SDK2: variants seen among roughly 807,000 people sequenced by gnomAD.
SDK2 encodes sidekick cell adhesion molecule 2.
Under a neutral mutation model 253.9 loss-of-function variants are expected in SDK2, and 105 were observed. The observed-to-expected ratio is 0.41, with a 90% CI of 0.35 to 0.49. The LOEUF (loss-of-function observed/expected upper bound fraction) is 0.49. Ranked by LOEUF, SDK2 falls within the 20% of genes least tolerant of loss-of-function variation. SDK2 has a pLI of 0.06. For synonymous variants in SDK2, 1,249 were observed against 1,234.9 expected (o/e 1.01, Z -0.24); for missense variants, 2,608 against 3,003.0 (o/e 0.87, Z 3.07).
rs372898978 is a variant in SDK2, at chr17:73,555,960, A to G, written c.65-48363T>C. Reference sequence around the variant, plus strand: ...GCCAGAAGCAGTGGATGGTCCCTGCAGGGAGACAGGCAGTGGATGCACAGA... The same window carrying G: ...GCCAGAAGCAGTGGATGGTCCCTGCGGGGAGACAGGCAGTGGATGCACAGA... On this transcript the variant is annotated intron_variant, in intron 1 of 44. Coordinates refer to ENST00000392650, the MANE Select transcript of SDK2 (RefSeq NM_001144952.2). Among the ~76,000 whole-genome samples the G allele has an allele frequency of 7.9e-5, 12 of 152,152 alleles. No individual in the cohort carries two copies. The East Asian group carries it at 2.1e-3, about 27-fold the overall frequency.
At position 73,431,773 on chromosome 17, in the gene SDK2, T is replaced by C; in HGVS notation, c.1313-104A>G. On this transcript the variant is annotated intron_variant, in intron 10 of 44. Coordinates refer to ENST00000392650, the MANE Select transcript of SDK2 (RefSeq NM_001144952.2). This position sits in a 1 kb window ranked among gnomAD's most constrained non-coding sequence, Gnocchi z 5.6. ...CATGGTCCCCCCACAGGCCCCTGGC[T>C]CTGGAAATGCTGGAAGGAATGAGGA... The C allele has an allele frequency of 8.2e-7, 1 of 1,224,272 alleles. No homozygotes were observed. Among genetic ancestry groups the C allele is most frequent in the African/African-American group, 1.5e-5 (1 of 65,122 alleles). The allele number at this position is 1,224,272 out of a possible 1,614,324, so 75.8% of individuals were successfully genotyped here.
chr17:73,430,805 G>A (rs1197354195), intron 11 of SDK2, among the ~76,000 whole-genome samples, 192 bp from the exon 12 acceptor site: 1 of 152,222 alleles, frequency 6.6e-6, no homozygotes, highest in African/African-American at 2.4e-5. Flanking sequence ...GTATGGGATG[G>A]AGAGACCAAA....
chr17:73,571,200 C>T (rs993072826), intron 1 of SDK2, among the ~76,000 whole-genome samples: 13 of 152,208 alleles, frequency 8.5e-5, no homozygotes, highest in Middle Eastern at 6.8e-3. Context: ...TCCCGAGTAA[C>T]TGGGATTACA....
chr17:73,633,809 T>C (rs921513496), intron 1 of SDK2, among the ~76,000 whole-genome samples: 13 of 149,520 alleles, frequency 8.7e-5, no homozygotes, highest in African/African-American at 3.2e-4. Context: ...GGAGGAGGAG[T>C]CCCAGCTGGA....
intron 1 of SDK2, among the ~76,000 whole-genome samples, chr17:73,523,579 C>T (rs998268054): frequency 2.6e-5 from 4 of 152,008 alleles, no homozygotes; most frequent in African/African-American, 7.3e-5. Context: ...GCCAGAATCG[C>T]TAGCAGCCCC....
Position 73,361,732 on chromosome 17 carries a change from T to C in SDK2, c.5419A>G (p.Thr1807Ala), listed in dbSNP as rs1165759274. Residue 1807 changes from threonine to alanine, a missense_variant, in exon 39 of 45, where the codon ACC (threonine) becomes GCC (alanine). Around this residue, in one of 2 missense-constraint regions of SDK2, gnomAD observed 1,103 missense variants for 1,143.9 expected, o/e 0.96. Transcript: ENST00000392650. This position sits in a 1 kb window ranked among gnomAD's most constrained non-coding sequence, Gnocchi z 4.1. The part of the protein sequence containing the change: ...YRFRIRAKTF[T>A]YGPEIEANVT... ...TTGGCTTCGATCTCCGGCCCGTAGG[T>C]GAAGGTCTTGGCTCTGATGCGGAAC... 5.6e-6 allele frequency: 9 copies of C among 1,612,640 alleles called. No individual in the cohort carries two copies. The highest frequency in any genetic ancestry group is 1.3e-5 in the African/African-American group (1 of 74,936).
chr17:73,379,555 G>C lies in SDK2; in HGVS notation c.4763-6C>G, dbSNP rs764608200. 1.9e-6 allele frequency: 3 copies of C among 1,560,464 alleles called. No homozygotes were observed. Among genetic ancestry groups the C allele is most frequent in the Middle Eastern group, 1.7e-4 (1 of 5,896 alleles). On this transcript the variant is annotated splice_region_variant and splice_polypyrimidine_tract_variant and intron_variant, in intron 34 of 44. Coordinates refer to ENST00000392650, the MANE Select transcript of SDK2 (RefSeq NM_001144952.2). The surrounding 1 kb of genome is among the most constrained non-coding windows in gnomAD (Gnocchi z 4.5). ...CCGCCTGTGCTTGTTCAGGTCTGTGGGGGAGAGTGGGGGAGGGGAAGCACA... is the reference window on the plus strand; with the variant it reads ...CCGCCTGTGCTTGTTCAGGTCTGTGCGGGAGAGTGGGGGAGGGGAAGCACA...
At position 73,619,549 on chromosome 17, in the gene SDK2, G is replaced by A. The variant is rs540776458; in HGVS notation, c.64+24476C>T. 3.9e-5 allele frequency among the ~76,000 whole-genome samples: 6 copies of A among 152,276 alleles called. No homozygotes were observed. In the East Asian group the frequency reaches 1.2e-3, roughly 29 times the overall value. ...ACTGGATAACCACATGCAAAAGAATGAACCTGAACCCCTACCTCACATCAT... is the reference window on the plus strand; with the variant it reads ...ACTGGATAACCACATGCAAAAGAATAAACCTGAACCCCTACCTCACATCAT... On this transcript the variant is annotated intron_variant, in intron 1 of 44. Transcript: ENST00000392650.
intron 44 of SDK2, among the ~76,000 whole-genome samples, chr17:73,344,370 T>C (rs758435293): frequency 6.6e-6 from 1 of 151,956 alleles, no homozygotes; most frequent in Non-Finnish European, 1.5e-5. Flanking sequence ...TGGGGTGGGG[T>C]TGGAGGCAGT....
At chr17:73,634,120 AG>A (rs972192602) in intron 1 of SDK2, among the ~76,000 whole-genome samples, 1 of 152,176 alleles carries the variant, frequency 6.6e-6, no homozygotes, top group African/African-American at 2.4e-5. Context: ...GGACATCAAG[AG>A]GGGGCTCCAA....
intron 1 of SDK2, among the ~76,000 whole-genome samples, chr17:73,638,896 G>A (rs934435738): frequency 1.2e-4 from 17 of 145,578 alleles, no homozygotes; most frequent in African/African-American, 2.6e-4. Context: ...TGCCACCTCC[G>A]CCTCCCAGGT....
At chr17:73,524,501 C>T (rs1398442761) in intron 1 of SDK2, among the ~76,000 whole-genome samples, 2 of 152,150 alleles carry the variant, frequency 1.3e-5, no homozygotes, top group Non-Finnish European at 2.9e-5. Context: ...TCCTTGTATT[C>T]CCCTTTTTCC....
Position 73,395,129 on chromosome 17 carries a change from G to A in SDK2, c.3592+26C>T. On this transcript the variant is annotated intron_variant, in intron 25 of 44. Coordinates refer to ENST00000392650, the MANE Select transcript of SDK2 (RefSeq NM_001144952.2). This position sits in a 1 kb window ranked among gnomAD's most constrained non-coding sequence, Gnocchi z 4.3. ...AGACCAAGGAGGGGACAGGCAGCAGGGTGGCTGGGTGTGAGGGGTTGGTAC... is the reference window on the plus strand; with the variant it reads ...AGACCAAGGAGGGGACAGGCAGCAGAGTGGCTGGGTGTGAGGGGTTGGTAC... 3 of 1,541,246 alleles carry A rather than the reference G, an allele frequency of 1.9e-6. No homozygotes were observed. Among genetic ancestry groups the A allele is most frequent in the Non-Finnish European group, 2.6e-6 (3 of 1,138,548 alleles).
At chr17:73,576,694 C>G (rs942594765) in intron 1 of SDK2, among the ~76,000 whole-genome samples, 1 of 152,164 alleles carries the variant, frequency 6.6e-6, no homozygotes, top group Non-Finnish European at 1.5e-5. Flanking sequence ...AGTACACTCC[C>G]CCAGAGAGGC....
In SDK2 at chr17:73,414,771, G is replaced by A. The variant is rs780007010; in HGVS notation, c.2369-12C>T. 6.3e-7 allele frequency: 1 copy of A among 1,582,370 alleles called. No individual in the cohort carries two copies. Among genetic ancestry groups the A allele is most frequent in the East Asian group, 2.2e-5 (1 of 44,654 alleles). On this transcript the variant is annotated splice_polypyrimidine_tract_variant and intron_variant, in intron 17 of 44. Coordinates refer to ENST00000392650, the MANE Select transcript of SDK2 (RefSeq NM_001144952.2). ...AGGGACCGTGGGAACTAGAGGAGAT[G>A]AGAGAACGGGGTGGGGTGGAGGGGG...
chr17:73,622,669 G>C (rs919815255), intron 1 of SDK2, among the ~76,000 whole-genome samples: 1 of 152,152 alleles, frequency 6.6e-6, no homozygotes, highest in East Asian at 1.9e-4. Flanking sequence ...CTTTCTTCCC[G>C]TGCCTCACCC....
chr17:73,532,069 G>GC (rs778003902), intron 1 of SDK2, among the ~76,000 whole-genome samples: 4 of 152,138 alleles, frequency 2.6e-5, no homozygotes, highest in Non-Finnish European at 5.9e-5. Context: ...CTGTACTCCT[G>GC]CCCCCAGCTC....
At chr17:73,636,561 A>G (rs1475656406) in intron 1 of SDK2, among the ~76,000 whole-genome samples, 1 of 151,702 alleles carries the variant, frequency 6.6e-6, no homozygotes, top group African/African-American at 2.4e-5. Flanking sequence ...CGTGCCTGTA[A>G]TCCTAGCTAC....
rs139897920 is a variant in SDK2, at chr17:73,463,510, T to A, written c.332-7457A>T. Among the ~76,000 whole-genome samples the A allele has an allele frequency of 3.6e-4, 55 of 152,258 alleles. No individual in the cohort carries two copies. The East Asian group carries it at 8.3e-3, about 23-fold the overall frequency. On this transcript the variant is annotated intron_variant, in intron 3 of 44. Transcript: ENST00000392650. ...AAGGCCTAGAACACTAACAATACCT[T>A]TCCCCTACCCTGGATCTCCCCCCTT...
Sources: allele counts gnomAD v4.1 joint callset (sites outside exome capture counted in the v4.1 genomes callset), GRCh38; gene constraint gnomAD v4.1.1; regional missense constraint gnomAD v4.1.1; non-coding constraint Gnocchi (gnomAD v3.1); transcripts MANE v1.5; gene names NCBI Gene and HGNC (gene_info 2026-07-23, HGNC 2026-07-21).